AFF1: variants seen among roughly 807,000 people sequenced by gnomAD.
The protein encoded by AFF1 is ALF transcription elongation factor 1.
Under a neutral mutation model 121.7 loss-of-function variants are expected in AFF1, and 48 were observed. The ratio of observed to expected loss-of-function variants is 0.39; its 90% CI spans 0.31 to 0.50. The LOEUF (loss-of-function observed/expected upper bound fraction) is 0.50. Ranked by LOEUF, AFF1 falls within the 20% of genes least tolerant of loss-of-function variation. The pLI is 0.76. For synonymous variants in AFF1, 613 were observed against 563.0 expected (o/e 1.09, Z -1.26); for missense variants, 1,523 against 1,511.7 (o/e 1.01, Z -0.12).
At chr4:87,125,473 A>G (rs920451325) in intron 13 of AFF1, among the ~76,000 whole-genome samples, 19 of 152,284 alleles carry the variant, frequency 1.2e-4, no homozygotes, top group African/African-American at 4.6e-4. Context: ...ACACAGAGAA[A>G]ATGACTTGTC....
intron 2 of AFF1, among the ~76,000 whole-genome samples, chr4:86,953,845 G>A (rs978667483): frequency 6.7e-6 from 1 of 148,486 alleles, no homozygotes; most frequent in East Asian, 1.9e-4. Flanking sequence ...TCAGCCTCCC[G>A]AGTAGCTGGC....
rs763733003 is a variant in AFF1 at position 87,108,200 on chromosome 4, C to G, written c.1418C>G (p.Ser473Cys). Residue 473 changes from serine to cysteine, a missense_variant, in exon 11 of 21, where the codon TCC becomes TGC. By Grantham distance (112) the Ser-to-Cys change is moderately radical (BLOSUM62 -1). Transcript: ENST00000395146. ...CCAGAACCAGTGGCATCAGCACATT[C>G]CAGCAGTGCAGAGTCAGAAAGCACC... ...SLPEPVASAH[S>C]SSAESESTSD... The G allele has an allele frequency of 6.2e-7, 1 of 1,614,000 alleles. No individual in the cohort carries two copies. The highest frequency in any genetic ancestry group is 8.5e-7 in the Non-Finnish European group (1 of 1,180,002).
chr4:86,989,635 G>A (rs1678246196), intron 2 of AFF1, among the ~76,000 whole-genome samples: 1 of 152,164 alleles, frequency 6.6e-6, no homozygotes, highest in African/African-American at 2.4e-5. Flanking sequence ...CAAGGATCTA[G>A]AACCAGAAAT....
At chr4:87,077,372 A>T (rs1722774470) in intron 4 of AFF1, among the ~76,000 whole-genome samples, 2 of 152,182 alleles carry the variant, frequency 1.3e-5, no homozygotes, top group Non-Finnish European at 2.9e-5. Flanking sequence ...AGCTGGGGAC[A>T]GTTTAACATA....
chr4:86,990,207 G>C (rs1724594877), intron 2 of AFF1, among the ~76,000 whole-genome samples: 1 of 151,838 alleles, frequency 6.6e-6, no homozygotes, highest in South Asian at 2.1e-4. Flanking sequence ...AACTGGCCAG[G>C]TGGGGTGGCT....
At chr4:87,014,436 C>T (rs372859241) in intron 2 of AFF1, among the ~76,000 whole-genome samples, 50 of 152,188 alleles carry the variant, frequency 3.3e-4, no homozygotes, top group African/African-American at 1.2e-3. Flanking sequence ...CCTAGGGGTA[C>T]TGCTGAACAA....
chr4:87,101,697 A>G (rs750054997), intron 8 of AFF1, among the ~76,000 whole-genome samples: 27 of 152,172 alleles, frequency 1.8e-4, no homozygotes, highest in Non-Finnish European at 3.1e-4. Flanking sequence ...GTGAGATTCT[A>G]TAAGTTTACA....
intron 5 of AFF1, among the ~76,000 whole-genome samples, chr4:87,088,741 T>G (rs1476347819): frequency 6.6e-6 from 1 of 151,826 alleles, no homozygotes; most frequent in South Asian, 2.1e-4. Flanking sequence ...ATTACAGGCA[T>G]GTACCACCAT....
chr4:86,996,057 G>A (rs1053938962), intron 2 of AFF1, among the ~76,000 whole-genome samples: 1 of 151,918 alleles, frequency 6.6e-6, no homozygotes, highest in African/African-American at 2.4e-5. Flanking sequence ...TCTGGGAAGT[G>A]AGGAGCGTCT....
chr4:87,000,955 C>T (rs536440853), intron 2 of AFF1, among the ~76,000 whole-genome samples: 1 of 152,206 alleles, frequency 6.6e-6, no homozygotes, highest in African/African-American at 2.4e-5. Flanking sequence ...TAGAGAAAGT[C>T]TAACTTCTGA....
intron 2 of AFF1, 57 bp from the exon 3 acceptor site, chr4:87,046,109 A>G: frequency 6.2e-7 from 1 of 1,601,820 alleles, no homozygotes; most frequent in Non-Finnish European, 8.5e-7. Context: ...TATGCCTGAC[A>G]AAACTTGGAG....
intron 1 of AFF1, among the ~76,000 whole-genome samples, chr4:86,943,719 G>A (rs564852127): frequency 3.3e-5 from 5 of 152,098 alleles, no homozygotes; most frequent in African/African-American, 1.2e-4. Context: ...CAGCACTTTG[G>A]GAGGCTGAGG....
At chr4:86,982,365 G>A (rs980574127) in intron 2 of AFF1, among the ~76,000 whole-genome samples, 4 of 142,778 alleles carry the variant, frequency 2.8e-5, no homozygotes, top group Non-Finnish European at 4.5e-5. Context: ...GAAGGCAAGC[G>A]CTGTTCAAAG....
chr4:87,105,572 A>T, intron 8 of AFF1, 56 bp from the exon 9 acceptor site: 1 of 1,598,932 alleles, frequency 6.3e-7, no homozygotes, highest in Non-Finnish European at 8.6e-7. Flanking sequence ...ACATGCTAGA[A>T]AAGTTGTTAG....
At chr4:87,041,636 T>C (rs1730163802) in intron 2 of AFF1, among the ~76,000 whole-genome samples, 1 of 152,018 alleles carries the variant, frequency 6.6e-6, no homozygotes, top group South Asian at 2.1e-4. Flanking sequence ...AGGCTGATGT[T>C]GGGATACATT....
intron 4 of AFF1, among the ~76,000 whole-genome samples, chr4:87,069,580 CCT>C (rs980402204): frequency 4.7e-5 from 7 of 149,702 alleles, no homozygotes; most frequent in African/African-American, 5.0e-5. Context: ...CTCCTCTCTC[CCT>C]CTCCTATCAT....
At chr4:87,072,188 C>T (rs899695499) in intron 4 of AFF1, among the ~76,000 whole-genome samples, 5 of 151,958 alleles carry the variant, frequency 3.3e-5, no homozygotes, top group Non-Finnish European at 7.4e-5. Context: ...ACGGTGAAGA[C>T]CCGTCTCTAC....
intron 2 of AFF1, among the ~76,000 whole-genome samples, chr4:86,956,238 G>C (rs1398270200): frequency 7.2e-5 from 11 of 152,194 alleles, no homozygotes; most frequent in South Asian, 2.1e-4. Flanking sequence ...TAACTGATAA[G>C]TATGTGTCAT....
chr4:87,019,788 A>G (rs340648), intron 2 of AFF1, among the ~76,000 whole-genome samples: 64,836 of 151,438 alleles, frequency 0.43, 16,613 homozygotes, highest in South Asian at 0.65. Context: ...TCTGTGAGCC[A>G]CTCCAGCAAA....
Sources: allele counts gnomAD v4.1 joint callset (sites outside exome capture counted in the v4.1 genomes callset), GRCh38; gene constraint gnomAD v4.1.1; transcripts MANE v1.5; gene names NCBI Gene and HGNC (gene_info 2026-07-23, HGNC 2026-07-21).